Variants in CTNND2 observed in about 807,000 individuals in gnomAD.
The protein encoded by CTNND2 is catenin delta 2, also known as catenin delta-2.
CTNND2 carries 22 observed loss-of-function variants against 144.4 expected under a neutral mutation model. The ratio of observed to expected loss-of-function variants is 0.15; its 90% confidence interval spans 0.11 to 0.22. The LOEUF (loss-of-function observed/expected upper bound fraction) is 0.22. Among genes scored for constraint, CTNND2 ranks in the 10% least tolerant of loss-of-function variants. The pLI is 1.00. For synonymous variants in CTNND2, 751 were observed against 695.6 expected, an observed-to-expected ratio of 1.08 and a Z score of -1.25; for missense variants, 1,353 against 1,618.8, an observed-to-expected ratio of 0.84 and a Z score of 2.82.
At chr5:11,501,271 A>G (rs1044733050) in intron 3 of CTNND2, among the ~76,000 whole-genome samples, 7 of 152,232 alleles carry the variant, frequency 4.6e-5, no homozygotes, top group African/African-American at 9.7e-5. Context: ...GCCAAGGGGG[A>G]AGCCCCAGAG....
At chr5:11,470,974 ATATATATTTTTTT>A (rs560178362) in intron 3 of CTNND2, among the ~76,000 whole-genome samples, 35 of 98,094 alleles carry the variant, frequency 3.6e-4, no homozygotes, top group African/African-American at 1.8e-3. Flanking sequence ...ATATATATAT[ATATATATTTTTTT>A]TTTTTTTTTA....
rs1171033085 is a variant in CTNND2, at chr5:11,332,433, T to A, written c.1628+13939A>T. 2.6e-5 allele frequency among the ~76,000 whole-genome samples: 4 copies of A among 152,142 alleles called. No homozygotes were observed. The East Asian group carries it at 7.7e-4, about 29-fold the overall frequency. On this transcript the variant is annotated intron_variant, in intron 9 of 21. Coordinates refer to ENST00000304623, the MANE Select transcript of CTNND2 (RefSeq NM_001332.4). ...CTTGGTTTCTGTCTATAGGAGGCAGTGCCTGGCCAGCCTGTAGTTGTCTCC... is the reference window on the plus strand; with the variant it reads ...CTTGGTTTCTGTCTATAGGAGGCAGAGCCTGGCCAGCCTGTAGTTGTCTCC...
In CTNND2 at chr5:11,090,764, A is replaced by G. The variant is rs187461489; in HGVS notation, c.2637+7811T>C. 6.6e-5 allele frequency among the ~76,000 whole-genome samples: 10 copies of G among 152,148 alleles called. 1 individual carries two copies. Among genetic ancestry groups the G allele is most frequent in the East Asian group, 1.9e-4 (1 of 5,182 alleles). On this transcript the variant is annotated intron_variant, in intron 15 of 21. Coordinates refer to ENST00000304623, the MANE Select transcript of CTNND2 (RefSeq NM_001332.4). The stretch of plus-strand genomic sequence containing the variant: ...CTGCTAGACACCAAACTAAAAGTCA[A>G]TTTAATATATGATTGAGCCCAGTAA...
intron 2 of CTNND2, among the ~76,000 whole-genome samples, chr5:11,616,424 A>G (rs1296166402): frequency 1.3e-5 from 2 of 152,166 alleles, no homozygotes; most frequent in African/African-American, 4.8e-5. Context: ...TCACATCTGC[A>G]GTATCTGATG....
At chr5:11,217,056 T>C (rs1739275504) in intron 10 of CTNND2, among the ~76,000 whole-genome samples, 1 of 152,220 alleles carries the variant, frequency 6.6e-6, no homozygotes, top group African/African-American at 2.4e-5. Flanking sequence ...AAGTACCAAG[T>C]GTGAAGTACT....
At chr5:11,382,635 GTGTGTGTGTGTA>G (rs1758630378) in intron 7 of CTNND2, among the ~76,000 whole-genome samples, 1 of 149,458 alleles carries the variant, frequency 6.7e-6, no homozygotes, top group African/African-American at 2.5e-5. Flanking sequence ...GTGTGTGTGT[GTGTGTGTGTGTA>G]GAATGATGAA....
At chr5:11,110,774 G>A in intron 14 of CTNND2, 84 bp downstream of exon 14, 1 of 1,298,302 alleles carries the variant, frequency 7.7e-7, no homozygotes, top group Non-Finnish European at 1.1e-6. Context: ...AAAATGCAGG[G>A]CTCATTCTCT....
chr5:11,431,172 TTC>T (rs1763255133), intron 3 of CTNND2, among the ~76,000 whole-genome samples: 1 of 152,212 alleles, frequency 6.6e-6, no homozygotes, highest in Admixed American at 6.5e-5. Flanking sequence ...GTGGAAAGCA[TTC>T]TATTGCTTGC....
intron 3 of CTNND2, among the ~76,000 whole-genome samples, chr5:11,490,872 C>G (rs1769321285): frequency 6.6e-6 from 1 of 152,050 alleles, no homozygotes; most frequent in Non-Finnish European, 1.5e-5. Context: ...CCTGTAATCC[C>G]AACACTTTGG....
chr5:11,104,740 AAG>A (rs1231859609), intron 14 of CTNND2, among the ~76,000 whole-genome samples: 2 of 152,178 alleles, frequency 1.3e-5, no homozygotes, highest in Non-Finnish European at 2.9e-5. Flanking sequence ...AGGCTGTGCA[AAG>A]AGGGGATAGA....
intron 9 of CTNND2, among the ~76,000 whole-genome samples, chr5:11,277,440 A>C (rs1746649585): frequency 6.6e-6 from 1 of 152,006 alleles, no homozygotes; most frequent in Admixed American, 6.5e-5. Flanking sequence ...TTCAATGGCC[A>C]GTCTTTAAGA....
chr5:11,408,151 GT>G (rs1233394037), intron 5 of CTNND2, among the ~76,000 whole-genome samples: 1 of 152,048 alleles, frequency 6.6e-6, no homozygotes, highest in African/African-American at 2.4e-5. Context: ...AACATGCGCT[GT>G]TTGTTCCCTT....
chr5:11,267,020 AG>A (rs1745511546), intron 9 of CTNND2, among the ~76,000 whole-genome samples: 1 of 152,176 alleles, frequency 6.6e-6, no homozygotes, highest in South Asian at 2.1e-4. Context: ...CTGGGACTAC[AG>A]GCGCCCGCCA....
intron 9 of CTNND2, among the ~76,000 whole-genome samples, chr5:11,305,574 C>T (rs769805890): frequency 2.6e-5 from 4 of 152,188 alleles, no homozygotes; most frequent in Non-Finnish European, 5.9e-5. Context: ...CCCTCTCACA[C>T]GTCCTCCTTA....
At chr5:11,761,119 G>A (rs1789239135) in intron 1 of CTNND2, among the ~76,000 whole-genome samples, 1 of 152,140 alleles carries the variant, frequency 6.6e-6, no homozygotes, top group Non-Finnish European at 1.5e-5. Flanking sequence ...GTGTTGAAGG[G>A]CTCTTTTGTT....
At chr5:11,277,747 G>C (rs1400096479) in intron 9 of CTNND2, among the ~76,000 whole-genome samples, 1 of 151,932 alleles carries the variant, frequency 6.6e-6, no homozygotes, top group Admixed American at 6.6e-5. Context: ...GGCCAGGCTG[G>C]TCTCAAACTG....
chr5:11,385,380 C>G, intron 6 of CTNND2, 151 bp from the exon 7 acceptor site: 1 of 355,708 alleles, frequency 2.8e-6, no homozygotes, highest in Non-Finnish European at 4.0e-6. Context: ...GGGCAGTACG[C>G]GAACCTGCGC....
intron 2 of CTNND2, among the ~76,000 whole-genome samples, chr5:11,601,231 C>A (rs2400077): frequency 0.37 from 55,777 of 151,968 alleles, 11,153 homozygotes; most frequent in Middle Eastern, 0.62. Flanking sequence ...AACAGGAAAG[C>A]TGGTATCACA....
intron 18 of CTNND2, 108 bp downstream of exon 18, chr5:11,017,866 T>C: frequency 2.5e-6 from 2 of 812,138 alleles, no homozygotes; most frequent in South Asian, 1.5e-5. Context: ...TCGTTTCAGT[T>C]GTGTTTCAAT....
Sources: gnomAD v4.1 joint callset for allele counts (sites outside exome capture counted in the v4.1 genomes callset) on GRCh38, gnomAD v4.1.1 for gene constraint, MANE v1.5 for transcripts, NCBI Gene and HGNC (gene_info 2026-07-23, HGNC 2026-07-21) for gene names.